Variants in PHACTR4 observed in about 807,000 individuals in gnomAD.
The protein encoded by PHACTR4 is protein phosphatase 1, regulatory subunit 124.
A neutral mutation model predicts 72.7 loss-of-function variants in PHACTR4; 51 were observed. The ratio of observed to expected loss-of-function variants is 0.70; its 90% CI spans 0.56 to 0.89. The LOEUF (loss-of-function observed/expected upper bound fraction) is 0.89, where lower values mean the gene tolerates loss of function less well. Ranked by LOEUF, PHACTR4 falls within the 40% of genes least tolerant of loss-of-function variation. PHACTR4 has a pLI of 0.00. For synonymous variants in PHACTR4, 255 were observed against 302.5 expected (o/e 0.84, Z 1.63); for missense variants, 731 against 861.8 (o/e 0.85, Z 1.90).
rs770729795 is a variant in PHACTR4 at position 28,407,460 on chromosome 1, T to C, written c.13T>C (p.Phe5Leu). 6.2e-7 allele frequency: 1 copy of C among 1,607,676 alleles called. No homozygotes were observed. The highest frequency in any genetic ancestry group is 8.5e-7 in the Non-Finnish European group (1 of 1,175,066). Residue 5 changes from phenylalanine to leucine, a missense_variant, in exon 2 of 14, where the codon TTT becomes CTT. Coordinates refer to ENST00000373839, the MANE Select transcript of PHACTR4 (RefSeq NM_001048183.3). ...GGTTAATAGTGGCATGGAAGATCCA[T>C]TTGGTGAGTATCACCTACATTGTTC... MEDP[F>L]EEADQPTTEP...
intron 13 of PHACTR4, among the ~76,000 whole-genome samples, chr1:28,493,410 C>T (rs1453044154): frequency 2.0e-5 from 3 of 151,896 alleles, no homozygotes; most frequent in East Asian, 1.9e-4. Context: ...TGGTAGCAGG[C>T]GCCTGTAATC....
chr1:28,372,649 C>T (rs1048798851), intron 1 of PHACTR4, among the ~76,000 whole-genome samples: 4 of 151,806 alleles, frequency 2.6e-5, no homozygotes, highest in South Asian at 4.2e-4. Flanking sequence ...GTCAGGTGTT[C>T]GAGATCAGCC....
intron 7 of PHACTR4, among the ~76,000 whole-genome samples, chr1:28,474,943 A>T (rs1447498749): frequency 6.6e-6 from 1 of 151,370 alleles, no homozygotes; most frequent in Non-Finnish European, 1.5e-5. Context: ...CTTTATTTTT[A>T]TTTATTTATT....
At chr1:28,489,764 G>GT (rs757474726) in intron 10 of PHACTR4, 16 of 518,610 alleles carry the variant, frequency 3.1e-5, no homozygotes, top group African/African-American at 7.7e-5. Flanking sequence ...TATTTCATTT[G>GT]TTTTTCCAGA....
chr1:28,495,407 C>T, intron 13 of PHACTR4, among the ~76,000 whole-genome samples: 1 of 151,726 alleles, frequency 6.6e-6, no homozygotes, highest in East Asian at 1.9e-4. Flanking sequence ...TATGCCTGGC[C>T]AAGCTTTTAT....
intron 2 of PHACTR4, among the ~76,000 whole-genome samples, chr1:28,410,853 C>T (rs1173320600): frequency 1.3e-5 from 2 of 151,834 alleles, no homozygotes; most frequent in African/African-American, 2.4e-5. Context: ...ATTACCAGCA[C>T]CTGCCACCAT....
rs75834434 is a variant in PHACTR4, at chr1:28,449,296, C to G, written c.17-9789C>G. On this transcript the variant is annotated intron_variant, in intron 2 of 13. Transcript: ENST00000373839. Reference sequence around the variant, plus strand: ...CCATGATCGCGCCCATTAATAGCCACTGTACTCTAGCCTGGGTAACATACC... The same window carrying G: ...CCATGATCGCGCCCATTAATAGCCAGTGTACTCTAGCCTGGGTAACATACC... Among the ~76,000 whole-genome samples, 531 of 152,158 alleles carry G rather than the reference C, an allele frequency of 3.5e-3. 2 individuals are homozygous for G. The highest frequency in any genetic ancestry group is 0.012 in the African/African-American group (516 of 41,488).
At chr1:28,474,396 TA>T (rs1478898640) in intron 7 of PHACTR4, among the ~76,000 whole-genome samples, 2 of 148,100 alleles carry the variant, frequency 1.4e-5, no homozygotes, top group Non-Finnish European at 1.5e-5. Context: ...TGGTGGCACA[TA>T]CCTGTAATCC....
intron 2 of PHACTR4, among the ~76,000 whole-genome samples, chr1:28,419,050 T>TTTTTTTTTTTTTTTTTTTGAG (rs1210043704): frequency 3.3e-4 from 49 of 147,182 alleles, no homozygotes; most frequent in African/African-American, 1.1e-3. Flanking sequence ...GATTTTTTTC[T>TTTTTTTTTTTTTTTTTTTGAG]AGGGAAGTTT....
intron 1 of PHACTR4, among the ~76,000 whole-genome samples, chr1:28,394,693 T>C (rs1039512864): frequency 6.6e-6 from 1 of 151,150 alleles, no homozygotes; most frequent in African/African-American, 2.4e-5. Flanking sequence ...GGCTCCCAGG[T>C]TCAAGTGATT....
Position 28,451,766 on chromosome 1 carries a change from C to T in PHACTR4, c.17-7319C>T, listed in dbSNP as rs533684758. On this transcript the variant is annotated intron_variant, in intron 2 of 13. Coordinates refer to ENST00000373839, the MANE Select transcript of PHACTR4 (RefSeq NM_001048183.3). The stretch of plus-strand genomic sequence containing the variant: ...TCAAAGGATCCTCCTGCCCCAGCCT[C>T]CCAAGTAGCTAAGACTATAGGCAAG... 2.2e-4 allele frequency among the ~76,000 whole-genome samples: 34 copies of T among 152,190 alleles called. No homozygotes were observed. The South Asian group carries it at 6.4e-3, about 29-fold the overall frequency.
chr1:28,378,227 C>A (rs1489502879), intron 1 of PHACTR4, among the ~76,000 whole-genome samples: 1 of 97,956 alleles, frequency 1.0e-5, no homozygotes, highest in African/African-American at 5.0e-5. Flanking sequence ...TTTGGCCAGG[C>A]GCAGTGGCTC....
intron 2 of PHACTR4, among the ~76,000 whole-genome samples, chr1:28,425,663 T>G (rs1288031899): frequency 6.6e-6 from 1 of 152,242 alleles, no homozygotes; most frequent in Admixed American, 6.5e-5. Flanking sequence ...TATAGCTAGC[T>G]GTCATCAGAC....
At chr1:28,378,557 T>A (rs1651882486) in intron 1 of PHACTR4, among the ~76,000 whole-genome samples, 1 of 144,184 alleles carries the variant, frequency 6.9e-6, no homozygotes, top group Admixed American at 7.2e-5. Flanking sequence ...TCTTTCTTTC[T>A]TTCTCCCCCC....
In PHACTR4 at chr1:28,459,095, C is replaced by T. The variant is rs754743635; in HGVS notation, c.27C>T (p.Asp9=). Residue 9 remains aspartate (D), a synonymous_variant, in exon 3 of 14, where the codon GAC becomes GAT. Transcript: ENST00000373839. The stretch of plus-strand genomic sequence containing the variant: ...CTTTTCATGTAACAGAGGAAGCAGA[C>T]CAGCCCACTACAGAGCCAGGCATGG... MEDPFEEA[D]QPTTEPGMVL... is the part of the protein sequence containing the mutation. 3 of 1,605,910 alleles carry T rather than the reference C, an allele frequency of 1.9e-6. No individual in the cohort carries two copies. Among genetic ancestry groups the T allele is most frequent in the Non-Finnish European group, 1.7e-6 (2 of 1,176,506 alleles).
At chr1:28,460,116 C>T in intron 3 of PHACTR4, 96 bp from the exon 4 acceptor site, 1 of 682,930 alleles carries the variant, frequency 1.5e-6, no homozygotes, top group Non-Finnish European at 2.4e-6. Flanking sequence ...TAAACTTAAA[C>T]TACTTTATTC....
chr1:28,451,821 T>G (rs563919019), intron 2 of PHACTR4, among the ~76,000 whole-genome samples: 127 of 151,144 alleles, frequency 8.4e-4, no homozygotes, highest in African/African-American at 2.7e-3. Context: ...TTTTTTTTTG[T>G]AGAGGCAGGG....
chr1:28,379,157 A>T (rs773040210), intron 1 of PHACTR4, among the ~76,000 whole-genome samples: 1 of 151,816 alleles, frequency 6.6e-6, no homozygotes, highest in Non-Finnish European at 1.5e-5. Flanking sequence ...ATTTCGCCAC[A>T]TTGCCTAGGC....
intron 6 of PHACTR4, among the ~76,000 whole-genome samples, chr1:28,470,292 T>C (rs1659481094): frequency 6.6e-6 from 1 of 151,214 alleles, no homozygotes; most frequent in Non-Finnish European, 1.5e-5. Context: ...ACTTGGGAGA[T>C]TGAGGTAAGA....
Sources: gnomAD v4.1 joint callset for allele counts (sites outside exome capture counted in the v4.1 genomes callset) on GRCh38, gnomAD v4.1.1 for gene constraint, MANE v1.5 for transcripts, NCBI Gene and HGNC (gene_info 2026-07-23, HGNC 2026-07-21) for gene names.